Variants in PSD3 observed in about 807,000 individuals in gnomAD.
The protein encoded by PSD3 is PH and SEC7 domain-containing protein 3.
A neutral mutation model predicts 105.5 loss-of-function variants in PSD3; 49 were observed. The observed-to-expected ratio is 0.46, with a 90% CI of 0.37 to 0.59. The LOEUF (loss-of-function observed/expected upper bound fraction) is 0.59, where lower values mean the gene tolerates loss of function less well. PSD3 is among the 20% of genes least tolerant of loss of function. The probability of loss-of-function intolerance (pLI) is 0.00; values close to 1 mark genes in which losing one functional copy is unlikely to be tolerated. For synonymous variants in PSD3, 557 were observed against 457.8 expected, an observed-to-expected ratio of 1.22 and a Z score of -2.77; for missense variants, 1,561 against 1,263.8, an observed-to-expected ratio of 1.24 and a Z score of -3.57.
At chr8:18,792,734 TAA>T (rs1809839144) in intron 8 of PSD3, among the ~76,000 whole-genome samples, 1 of 152,188 alleles carries the variant, frequency 6.6e-6, no homozygotes, top group African/African-American at 2.4e-5. Context: ...GGTGGGACTG[TAA>T]ACTAGTTCAA....
Position 18,775,789 on chromosome 8 carries a change from T to C in PSD3, c.2083-10251A>G, listed in dbSNP as rs577889571. On this transcript the variant is annotated intron_variant, in intron 8 of 15. Transcript: ENST00000327040. ...ACCATTCTGTAGCTTGTATCTTCAC[T>C]TTGTTGATTATTTCCTTTACTGGGC... Among the ~76,000 whole-genome samples the C allele has an allele frequency of 3.9e-5, 6 of 152,288 alleles. No homozygotes were observed. In the South Asian group the frequency reaches 6.2e-4, roughly 16 times the overall value.
chr8:18,977,281 T>C (rs1278875004), intron 1 of PSD3, among the ~76,000 whole-genome samples: 1 of 102,390 alleles, frequency 9.8e-6, no homozygotes, highest in South Asian at 3.3e-4. Flanking sequence ...AAAAAAAAAA[T>C]TGGGTTCTTG....
At chr8:19,076,044 C>T (rs1408248308) in intron 1 of PSD3, among the ~76,000 whole-genome samples, 1 of 152,078 alleles carries the variant, frequency 6.6e-6, no homozygotes, top group Non-Finnish European at 1.5e-5. Flanking sequence ...AGGCAGGCGC[C>T]AGCCAGAAGT....
intron 1 of PSD3, among the ~76,000 whole-genome samples, chr8:19,066,005 G>C (rs1829065021): frequency 6.6e-6 from 1 of 152,142 alleles, no homozygotes; most frequent in African/African-American, 2.4e-5. Flanking sequence ...TTCTATGCTG[G>C]GAAATGGGTT....
At chr8:18,879,062 ACACACACACACACACACACACACACG>A (rs1817925520) in intron 2 of PSD3, among the ~76,000 whole-genome samples, 2 of 150,062 alleles carry the variant, frequency 1.3e-5, no homozygotes, top group Non-Finnish European at 3.0e-5. Context: ...ACACACACAC[ACACACACACACACACACACACACACG>A]CACACACAAC....
intron 9 of PSD3, among the ~76,000 whole-genome samples, chr8:18,742,059 T>C (rs1296096319): frequency 2.6e-5 from 4 of 152,172 alleles, no homozygotes; most frequent in African/African-American, 9.6e-5. Context: ...TTTCATTTTA[T>C]CCTTGGAAAG....
intron 1 of PSD3, among the ~76,000 whole-genome samples, chr8:19,057,138 A>G (rs553697430): frequency 6.6e-5 from 10 of 152,192 alleles, no homozygotes; most frequent in Middle Eastern, 3.4e-3. Context: ...TACTGCTCTC[A>G]CTGGCATATG....
At chr8:18,971,207 G>C (rs1293777002) in intron 1 of PSD3, among the ~76,000 whole-genome samples, 1 of 152,128 alleles carries the variant, frequency 6.6e-6, no homozygotes, top group Non-Finnish European at 1.5e-5. Flanking sequence ...GGTAGAAAAG[G>C]TGTGTGTTTA....
At chr8:18,855,929 G>A (rs911424657) in intron 4 of PSD3, among the ~76,000 whole-genome samples, 7 of 152,168 alleles carry the variant, frequency 4.6e-5, no homozygotes, top group African/African-American at 1.4e-4. Flanking sequence ...TGTTACAGAA[G>A]CTTTAGAAAG....
intron 10 of PSD3, among the ~76,000 whole-genome samples, chr8:18,641,193 G>A (rs766271526): frequency 6.6e-6 from 1 of 152,144 alleles, no homozygotes; most frequent in African/African-American, 2.4e-5. Flanking sequence ...TCATTACCAT[G>A]ATCCCTGTAA....
chr8:18,749,719 C>A (rs549415281), intron 9 of PSD3, among the ~76,000 whole-genome samples: 16 of 152,198 alleles, frequency 1.1e-4, no homozygotes, highest in Non-Finnish European at 2.1e-4. Flanking sequence ...ATGAGGAGGT[C>A]AGACAGTACC....
rs1554529836 is a variant in PSD3, at chr8:18,879,078, ACACACACACG to A, written c.131-6355_131-6346del. 5.8e-3 allele frequency among the ~76,000 whole-genome samples: 871 copies of A among 150,476 alleles called. 8 individuals are homozygous for A. Among genetic ancestry groups the A allele is most frequent in the South Asian group, 0.02 (91 of 4,650 alleles). On this transcript the variant is annotated intron_variant, in intron 2 of 15. Transcript: ENST00000327040. ...CACACACACACACACACACACACAC[ACACACACACG>A]CACACACAACTGAACACTGGCCCCA...
At chr8:18,924,619 C>A (rs751615147) in intron 2 of PSD3, 2 of 152,214 alleles carry the variant, frequency 1.3e-5, no homozygotes, top group African/African-American at 4.8e-5. Flanking sequence ...TCGTAGGTTT[C>A]CTGGGTCCTG....
intron 9 of PSD3, chr8:18,683,987 C>T (rs1411048791): frequency 1.1e-5 from 8 of 724,546 alleles, no homozygotes; most frequent in East Asian, 2.5e-5. Context: ...ACTTTCCAAC[C>T]GTTCCAAGGC....
chr8:18,691,387 C>G (rs1435756220), intron 9 of PSD3, among the ~76,000 whole-genome samples: 1 of 152,196 alleles, frequency 6.6e-6, no homozygotes, highest in Non-Finnish European at 1.5e-5. Context: ...CTCTGTATAG[C>G]TGACAATGCC....
chr8:18,650,234 C>T (rs184674110), intron 10 of PSD3, among the ~76,000 whole-genome samples: 15 of 152,214 alleles, frequency 9.9e-5, no homozygotes, highest in Admixed American at 9.8e-4. Flanking sequence ...TAAACAATTC[C>T]AACATAAGAT....
rs113420557 is a variant in PSD3 at position 18,830,020 on chromosome 8, C to T, written c.1635-25122G>A. Among the ~76,000 whole-genome samples the T allele has an allele frequency of 4.2e-3, 635 of 152,062 alleles. 3 individuals carry two copies. The highest frequency in any genetic ancestry group is 0.014 in the African/African-American group (580 of 41,460). On this transcript the variant is annotated intron_variant, in intron 4 of 15. Coordinates refer to ENST00000327040, the MANE Select transcript of PSD3 (RefSeq NM_015310.4). ...GAGTGCTTTGTCAGCGAGCCTGGAG[C>T]GCAGCGGTACAATCTCAGCTCACTG...
At chr8:18,585,749 G>A (rs1451903288) in intron 12 of PSD3, among the ~76,000 whole-genome samples, 4 of 152,148 alleles carry the variant, frequency 2.6e-5, no homozygotes, top group African/African-American at 7.2e-5. Flanking sequence ...TGCAACAGGT[G>A]TTTTCATGTA....
chr8:18,964,592 C>A (rs7831528), intron 1 of PSD3, among the ~76,000 whole-genome samples: 61,480 of 151,218 alleles, frequency 0.41, 12,674 homozygotes, highest in African/African-American at 0.43. Flanking sequence ...AAAGTGTGGT[C>A]TCATGAACAA....
Sources: gnomAD v4.1 joint callset for allele counts (sites outside exome capture counted in the v4.1 genomes callset) on GRCh38, gnomAD v4.1.1 for gene constraint, MANE v1.5 for transcripts, NCBI Gene and HGNC (gene_info 2026-07-23, HGNC 2026-07-21) for gene names.